RUFY3: variants seen among roughly 807,000 people sequenced by gnomAD.
RUFY3 encodes the protein protein RUFY3.
A neutral mutation model predicts 84.0 loss-of-function variants in RUFY3; 34 were observed. The observed-to-expected ratio is 0.40, with a 90% CI of 0.31 to 0.54. The LOEUF (loss-of-function observed/expected upper bound fraction) is 0.54, where lower values mean the gene tolerates loss of function less well. Ranked by LOEUF, RUFY3 falls within the 20% of genes least tolerant of loss-of-function variation. The pLI is 0.39. For synonymous variants in RUFY3, 242 were observed against 252.9 expected (o/e 0.96, Z 0.41); for missense variants, 507 against 736.8 (o/e 0.69, Z 3.61).
Position 70,722,204 on chromosome 4 carries a change from AG to A in RUFY3, c.-369del. On this transcript the variant is annotated 5_prime_UTR_variant, in exon 1 of 18. Coordinates refer to ENST00000381006, the MANE Select transcript of RUFY3 (RefSeq NM_001037442.4). ...ACTCATATCGAGGCCAGATTTTTAAAGCCAGCTAAGGCAGCATCAGCTGTGC... is the reference window on the plus strand; with the variant it reads ...ACTCATATCGAGGCCAGATTTTTAAACCAGCTAAGGCAGCATCAGCTGTGC... 8.1e-7 allele frequency: 1 copy of A among 1,230,110 alleles called. No individual in the cohort carries two copies. Among genetic ancestry groups the A allele is most frequent in the Admixed American group, 4.2e-5 (1 of 23,670 alleles). 76.2% of individuals were successfully genotyped at this position (1,230,110 alleles called of 1,614,324 possible). A position where few individuals can be genotyped will look rare whatever the true frequency, so the allele number is the denominator to read the frequency against.
chr4:70,741,557 A>G lies in RUFY3; in HGVS notation c.178+18806A>G, dbSNP rs1226835590. 9.8e-6 allele frequency: 13 copies of G among 1,329,098 alleles called. No individual in the cohort carries two copies. The African/African-American group carries it at 1.2e-4, about 12-fold the overall frequency. The allele number at this position is 1,329,098 out of a possible 1,614,324, so 82.3% of individuals were successfully genotyped here. A position where few individuals can be genotyped will look rare whatever the true frequency, so the allele number is the denominator to read the frequency against. On this transcript the variant is annotated intron_variant, in intron 1 of 17. Transcript: ENST00000381006. ...TATCCCTTTGGAAATCTTGTTTTTA[A>G]TAGCACTTTTCTTTCTGGGCTTGCA...
upstream of RUFY3, among the ~76,000 whole-genome samples, chr4:70,718,518 A>G (rs1741894843): frequency 6.6e-6 from 1 of 152,148 alleles, no homozygotes; most frequent in Admixed American, 6.6e-5. Context: ...CCGCCTCACA[A>G]CCATCTTACA....
At chr4:70,782,481 C>T (rs749614938) in intron 8 of RUFY3, among the ~76,000 whole-genome samples, 4 of 151,822 alleles carry the variant, frequency 2.6e-5, no homozygotes, top group African/African-American at 9.6e-5. Flanking sequence ...GATGGGGTTT[C>T]ACCATGTTGG....
chr4:70,788,085 A>G (rs372123119), intron 10 of RUFY3, among the ~76,000 whole-genome samples: 1 of 147,004 alleles, frequency 6.8e-6, no homozygotes, highest in Non-Finnish European at 1.5e-5. Context: ...AGGAATTCAC[A>G]CCAGCCTGGT....
intron 12 of RUFY3, chr4:70,791,079 G>A: frequency 4.2e-6 from 3 of 715,336 alleles, no homozygotes; most frequent in Non-Finnish European, 4.8e-6. Flanking sequence ...ATGATGTTTT[G>A]ACTTGGAATT....
In RUFY3 at chr4:70,722,481, T is replaced by C; in HGVS notation, c.-93T>C. The C allele has an allele frequency of 6.9e-7, 1 of 1,450,414 alleles. No homozygotes were observed. The highest frequency in any genetic ancestry group is 2.3e-5 in the East Asian group (1 of 42,710). 89.8% of individuals were successfully genotyped at this position (1,450,414 alleles called of 1,614,324 possible). ...CTTTGTTTCAGAGCTTTGTATTGGG[T>C]TTTTTTGGTGAGGAGGTTGTATTTA... On this transcript the variant is annotated 5_prime_UTR_variant, in exon 1 of 18. Transcript: ENST00000381006.
rs1434101293 is a variant in RUFY3, at chr4:70,808,291, C to CTA, written c.*1634_*1635dup. ...TGACTGTACTTACTTACATATCTATCTATCTTTGAGTAACAAACTCTTTGG... is the reference window on the plus strand; with the variant it reads ...TGACTGTACTTACTTACATATCTATCTATATCTTTGAGTAACAAACTCTTTGG... On this transcript the variant is annotated 3_prime_UTR_variant, in exon 18 of 18. Coordinates refer to ENST00000381006, the MANE Select transcript of RUFY3 (RefSeq NM_001037442.4). Among the ~76,000 whole-genome samples the CTA allele has an allele frequency of 6.6e-6, 1 of 151,958 alleles. No homozygotes were observed. Among genetic ancestry groups the CTA allele is most frequent in the Non-Finnish European group, 1.5e-5 (1 of 68,022 alleles).
intron 14 of RUFY3, among the ~76,000 whole-genome samples, chr4:70,796,889 A>G (rs1214190028): frequency 6.6e-6 from 1 of 151,680 alleles, no homozygotes; most frequent in Non-Finnish European, 1.5e-5. Context: ...TCTTGCTTCA[A>G]TTTTAGCAGA....
At chr4:70,800,500 A>T (rs1344403077) in intron 15 of RUFY3, among the ~76,000 whole-genome samples, 1 of 152,246 alleles carries the variant, frequency 6.6e-6, no homozygotes, top group Non-Finnish European at 1.5e-5. Flanking sequence ...CTGAATTGGT[A>T]TCCCAGGAAA....
chr4:70,732,762 G>A (rs1163361749), intron 1 of RUFY3, among the ~76,000 whole-genome samples: 1 of 108,708 alleles, frequency 9.2e-6, no homozygotes, highest in Non-Finnish European at 1.7e-5. Flanking sequence ...CTGTCGGTGG[G>A]TAGGGGGCTG....
intron 1 of RUFY3, among the ~76,000 whole-genome samples, chr4:70,725,327 T>C (rs569429453): frequency 1.3e-5 from 2 of 152,144 alleles, no homozygotes; most frequent in East Asian, 1.9e-4. Flanking sequence ...TTTTGTCTTA[T>C]ATACTCTTTT....
chr4:70,763,927 C>T (rs1725428537), intron 3 of RUFY3, among the ~76,000 whole-genome samples: 1 of 152,076 alleles, frequency 6.6e-6, no homozygotes, highest in Non-Finnish European at 1.5e-5. Context: ...TTTTAAAGCA[C>T]TTGGGAGAAT....
intron 12 of RUFY3, chr4:70,793,219 G>A (rs1326508792): frequency 1.0e-6 from 1 of 986,132 alleles, no homozygotes; most frequent in Admixed American, 6.1e-5. Context: ...GCCAAACTCT[G>A]ACAAAGGCTT....
chr4:70,725,948 C>T (rs892043948), intron 1 of RUFY3, among the ~76,000 whole-genome samples: 13 of 152,184 alleles, frequency 8.5e-5, no homozygotes, highest in Non-Finnish European at 1.5e-4. Context: ...ACTGAAAAGC[C>T]TGCACTTGAT....
intron 5 of RUFY3, among the ~76,000 whole-genome samples, chr4:70,769,200 G>A (rs1055675566): frequency 1.3e-5 from 2 of 152,078 alleles, no homozygotes; most frequent in African/African-American, 4.8e-5. Flanking sequence ...TAAAAAATTA[G>A]CTGGTTGTGT....
chr4:70,786,038 G>A (rs1225700221), intron 10 of RUFY3, among the ~76,000 whole-genome samples: 2 of 152,048 alleles, frequency 1.3e-5, no homozygotes, highest in African/African-American at 2.4e-5. Context: ...AGAAAGCATG[G>A]TATATATACA....
chr4:70,793,632 T>A (rs1578242322), intron 12 of RUFY3, 153 bp from the exon 13 acceptor site: 2 of 1,491,484 alleles, frequency 1.3e-6, no homozygotes, highest in East Asian at 5.0e-5. Context: ...TTCCCCCCCA[T>A]AATTTCTTCA....
At chr4:70,799,026 A>G (rs1731881838) in intron 14 of RUFY3, among the ~76,000 whole-genome samples, 1 of 148,928 alleles carries the variant, frequency 6.7e-6, no homozygotes, top group Non-Finnish European at 1.5e-5. Flanking sequence ...GGCGCCTGTA[A>G]TCCCAGCTAC....
intron 7 of RUFY3, among the ~76,000 whole-genome samples, chr4:70,775,685 C>G (rs1441967625): frequency 1.3e-5 from 2 of 152,018 alleles, no homozygotes; most frequent in African/African-American, 4.8e-5. Context: ...TGGGCCAAAG[C>G]CTGTAGTCCC....
Sources: allele counts gnomAD v4.1 joint callset (sites outside exome capture counted in the v4.1 genomes callset), GRCh38; gene constraint gnomAD v4.1.1; transcripts MANE v1.5; gene names NCBI Gene and HGNC (gene_info 2026-07-23, HGNC 2026-07-21).